RORA: variants seen among roughly 807,000 people sequenced by gnomAD.
RORA encodes the protein nuclear receptor ROR-alpha.
Under a neutral mutation model 69.5 loss-of-function variants are expected in RORA, and 7 were observed. That is an observed-to-expected ratio of 0.10 (90% CI 0.06 to 0.19). The LOEUF (loss-of-function observed/expected upper bound fraction) is 0.19. Ranked by LOEUF, RORA falls within the 10% of genes least tolerant of loss-of-function variation. RORA has a pLI of 1.00. For missense variants in RORA, 457 were observed against 663.0 expected (o/e 0.69, Z 3.41); for synonymous variants, 261 against 240.8 (o/e 1.08, Z -0.78).
intron 1 of RORA, among the ~76,000 whole-genome samples, chr15:61,115,287 A>G (rs1162739018): frequency 6.6e-6 from 1 of 152,198 alleles, no homozygotes; most frequent in African/African-American, 2.4e-5. Context: ...CCAAAAAAAA[A>G]AAAATGTAAA....
intron 1 of RORA, among the ~76,000 whole-genome samples, chr15:60,716,826 A>G (rs1404394890): frequency 6.6e-6 from 1 of 152,204 alleles, no homozygotes; most frequent in Non-Finnish European, 1.5e-5. Flanking sequence ...GTTCCTGGAG[A>G]ATGGTGCCCC....
At chr15:60,792,116 C>G (rs1243223194) in intron 1 of RORA, among the ~76,000 whole-genome samples, 1 of 151,662 alleles carries the variant, frequency 6.6e-6, no homozygotes, top group Admixed American at 6.6e-5. Flanking sequence ...AAAAATGAAC[C>G]AGATAGAAAT....
rs987707520 is a variant in RORA at position 61,061,275 on chromosome 15, C to T, written c.166+167778G>A. 3.3e-5 allele frequency among the ~76,000 whole-genome samples: 5 copies of T among 151,962 alleles called. No individual in the cohort carries two copies. The highest frequency in any genetic ancestry group is 5.9e-5 in the Non-Finnish European group (4 of 67,996). On this transcript the variant is annotated intron_variant, in intron 1 of 10. Coordinates refer to ENST00000335670, the MANE Select transcript of RORA (RefSeq NM_134261.3). The surrounding 1 kb of genome is among the most constrained non-coding windows in gnomAD (Gnocchi z 4.4). ...GGCTGAGGCAGGAGAATGGCATGAG[C>T]TCGGGAGGCAGAGCTTGCAGTGAGC...
chr15:60,502,346 C>T (rs561962765), intron 8 of RORA, among the ~76,000 whole-genome samples: 19 of 152,198 alleles, frequency 1.2e-4, no homozygotes, highest in African/African-American at 4.6e-4. Context: ...TCTTTGATAT[C>T]TGCATTTCAG....
intron 1 of RORA, among the ~76,000 whole-genome samples, chr15:61,208,085 G>GT (rs1555420479): frequency 1.3e-5 from 2 of 152,188 alleles, no homozygotes; most frequent in African/African-American, 4.8e-5. Flanking sequence ...AGAGAGACCT[G>GT]TTTTTTCCCA....
intron 1 of RORA, among the ~76,000 whole-genome samples, chr15:60,691,783 A>G (rs1485380061): frequency 6.6e-6 from 1 of 152,224 alleles, no homozygotes; most frequent in Admixed American, 6.5e-5. Context: ...AGCTGAACAC[A>G]GGGCATGCAT....
chr15:61,203,644 A>T (rs929543471), intron 1 of RORA, among the ~76,000 whole-genome samples: 23 of 152,332 alleles, frequency 1.5e-4, no homozygotes, highest in African/African-American at 5.5e-4. Context: ...TTAAGAAAAG[A>T]CAAAAGTGTC....
At chr15:60,958,396 T>A (rs1893329036) in intron 1 of RORA, among the ~76,000 whole-genome samples, 1 of 152,154 alleles carries the variant, frequency 6.6e-6, no homozygotes, top group Non-Finnish European at 1.5e-5. Flanking sequence ...AAAATATTAT[T>A]TATGCCTTAA....
chr15:60,917,152 C>T (rs537603459), intron 1 of RORA, among the ~76,000 whole-genome samples: 2 of 152,308 alleles, frequency 1.3e-5, no homozygotes, highest in Admixed American at 6.5e-5. Context: ...CCTTGGGCAC[C>T]TACCCGCCTC....
At chr15:60,634,368 A>T (rs1220839914) in intron 2 of RORA, among the ~76,000 whole-genome samples, 1 of 148,840 alleles carries the variant, frequency 6.7e-6, no homozygotes, top group Non-Finnish European at 1.5e-5. Flanking sequence ...TATTCCAGAC[A>T]TTTGTCTTTC....
intron 1 of RORA, among the ~76,000 whole-genome samples, chr15:61,096,837 G>T (rs1318434329): frequency 6.6e-6 from 1 of 152,150 alleles, no homozygotes; most frequent in Non-Finnish European, 1.5e-5. Context: ...ATTTCCCATC[G>T]TGCCCTCAGA....
At chr15:60,797,043 A>G (rs2072508926) in intron 1 of RORA, among the ~76,000 whole-genome samples, 1 of 147,968 alleles carries the variant, frequency 6.8e-6, no homozygotes, top group Admixed American at 6.8e-5. Flanking sequence ...ATATATAATT[A>G]TATTATCTAT....
intron 1 of RORA, among the ~76,000 whole-genome samples, chr15:60,955,426 A>C (rs945303230): frequency 6.6e-6 from 1 of 152,238 alleles, no homozygotes; most frequent in Non-Finnish European, 1.5e-5. Context: ...CATATAGTAT[A>C]TTTCATTATA....
At chr15:60,725,735 G>T (rs1398304768) in intron 1 of RORA, among the ~76,000 whole-genome samples, 1 of 152,102 alleles carries the variant, frequency 6.6e-6, no homozygotes, top group East Asian at 1.9e-4. Flanking sequence ...TGCCTTTCGG[G>T]ATCTAGTCAC....
At chr15:60,985,523 A>T (rs1247752058) in intron 1 of RORA, among the ~76,000 whole-genome samples, 1 of 151,772 alleles carries the variant, frequency 6.6e-6, no homozygotes, top group Non-Finnish European at 1.5e-5. Context: ...GAAATCTATG[A>T]AGGTATATTT....
At chr15:60,500,893 G>C (rs1261554396) in intron 9 of RORA, 66 bp downstream of exon 9, 1 of 854,146 alleles carries the variant, frequency 1.2e-6, no homozygotes, top group Non-Finnish European at 1.9e-6. Context: ...AAACGTATGG[G>C]CCTTGTAAAA....
intron 2 of RORA, among the ~76,000 whole-genome samples, chr15:60,634,437 G>A (rs1477427968): frequency 2.0e-5 from 3 of 147,928 alleles, no homozygotes; most frequent in African/African-American, 7.5e-5. Flanking sequence ...CCAGAGTCTC[G>A]CTCTGTTGCC....
chr15:61,054,813 T>G (rs1044766730), intron 1 of RORA, among the ~76,000 whole-genome samples: 3 of 141,332 alleles, frequency 2.1e-5, no homozygotes, highest in African/African-American at 8.2e-5. Flanking sequence ...TTTTTTTTTG[T>G]TTTTTGTTTT....
At chr15:61,083,119 G>A (rs184073149) in intron 1 of RORA, among the ~76,000 whole-genome samples, 21 of 152,198 alleles carry the variant, frequency 1.4e-4, no homozygotes, top group Non-Finnish European at 2.6e-4. Flanking sequence ...TGTGCCTGGA[G>A]GACAAGGGCT....
Sources: allele counts gnomAD v4.1 joint callset (sites outside exome capture counted in the v4.1 genomes callset), GRCh38; gene constraint gnomAD v4.1.1; non-coding constraint Gnocchi (gnomAD v3.1); transcripts MANE v1.5; gene names NCBI Gene and HGNC (gene_info 2026-07-23, HGNC 2026-07-21).